Variants in PITPNM2 observed in about 807,000 individuals in gnomAD.
PITPNM2 encodes phosphatidylinositol transfer protein membrane associated 2.
Under a neutral mutation model 132.2 loss-of-function variants are expected in PITPNM2, and 35 were observed. The ratio of observed to expected loss-of-function variants is 0.26; its 90% CI spans 0.20 to 0.35. The LOEUF is 0.35. Among genes scored for constraint, PITPNM2 ranks in the 10% least tolerant of loss-of-function variants. The pLI, the probability that PITPNM2 is intolerant of heterozygous loss-of-function variation, is 1.00. For synonymous variants in PITPNM2, 738 were observed against 799.2 expected (o/e 0.92, Z 1.29); for missense variants, 1,332 against 1,912.0 (o/e 0.70, Z 5.66).
At chr12:123,143,893 T>C (rs1464084137) in intron 1 of PITPNM2, among the ~76,000 whole-genome samples, 1 of 152,196 alleles carries the variant, frequency 6.6e-6, no homozygotes. Flanking sequence ...TCTTCATCCA[T>C]TAAGTACCAT....
In PITPNM2 at chr12:123,051,069, G is replaced by T. The variant is rs116925843; in HGVS notation, c.-95-16384C>A. 3.6e-3 allele frequency among the ~76,000 whole-genome samples: 545 copies of T among 152,330 alleles called. 13 individuals carry two copies. The highest frequency in any genetic ancestry group is 0.031 in the Admixed American group (469 of 15,300). On this transcript the variant is annotated intron_variant, in intron 2 of 25. Coordinates refer to ENST00000320201, the MANE Select transcript of PITPNM2 (RefSeq NM_020845.3). ...CCTTGAGTTAGGAAGTGCAGGGAAAGGACCTTGCATGATTTTGCGCAATGT... is the reference window on the plus strand; with the variant it reads ...CCTTGAGTTAGGAAGTGCAGGGAAATGACCTTGCATGATTTTGCGCAATGT...
At chr12:123,010,959 C>G (rs1236576403) in intron 5 of PITPNM2, among the ~76,000 whole-genome samples, 1 of 152,204 alleles carries the variant, frequency 6.6e-6, no homozygotes, top group Non-Finnish European at 1.5e-5. Flanking sequence ...GGCTTAGGGG[C>G]TGACAGGACC....
At chr12:123,149,009 T>C (rs2043674856) in intron 1 of PITPNM2, among the ~76,000 whole-genome samples, 1 of 151,796 alleles carries the variant, frequency 6.6e-6, no homozygotes, top group African/African-American at 2.4e-5. Context: ...AATGAAATGG[T>C]AGGAGAGGAG....
At position 123,064,166 on chromosome 12, in the gene PITPNM2, C is replaced by T. The variant is rs1179560636; in HGVS notation, c.-95-29481G>A. 6.6e-6 allele frequency among the ~76,000 whole-genome samples: 1 copy of T among 152,174 alleles called. No individual in the cohort carries two copies. The highest frequency in any genetic ancestry group is 1.9e-4 in the East Asian group (1 of 5,196). On this transcript the variant is annotated intron_variant, in intron 2 of 25. Coordinates refer to ENST00000320201, the MANE Select transcript of PITPNM2 (RefSeq NM_020845.3). This position sits in a 1 kb window ranked among gnomAD's most constrained non-coding sequence, Gnocchi z 4.0. The stretch of plus-strand genomic sequence containing the variant: ...TTGCCAGCCTTCCCAGGGTTGGGGC[C>T]GTTGCTCACTGTTTCGACCCTCCCA...
chr12:123,107,764 G>A (rs1243708930), intron 2 of PITPNM2, among the ~76,000 whole-genome samples: 1 of 152,176 alleles, frequency 6.6e-6, no homozygotes, highest in East Asian at 1.9e-4. Context: ...GGAGGGTTTT[G>A]GGAAAAGCAG....
chr12:123,056,286 C>G (rs1356336343), intron 2 of PITPNM2, among the ~76,000 whole-genome samples: 1 of 152,230 alleles, frequency 6.6e-6, no homozygotes, highest in Non-Finnish European at 1.5e-5. Context: ...AGAGCTATCA[C>G]CTGAGCGCTC....
In PITPNM2 at chr12:123,100,551, G is replaced by A. The variant is rs190941980; in HGVS notation, c.-96+9834C>T. Among the ~76,000 whole-genome samples, 4 of 152,180 alleles carry A rather than the reference G, an allele frequency of 2.6e-5. No individual in the cohort carries two copies. In the East Asian group the frequency reaches 7.7e-4, roughly 29 times the overall value. On this transcript the variant is annotated intron_variant, in intron 2 of 25. Coordinates refer to ENST00000320201, the MANE Select transcript of PITPNM2 (RefSeq NM_020845.3). ...TAAGGCAGCAGAATCACTTGAGCCT[G>A]GTAGGCGGAAGTTGTAGTGAGCTGA...
intron 2 of PITPNM2, among the ~76,000 whole-genome samples, chr12:123,079,044 C>T (rs1319741171): frequency 6.6e-6 from 1 of 152,236 alleles, no homozygotes. Context: ...AACTGGCACT[C>T]CCAGGCACTC....
chr12:122,986,298 C>T lies in PITPNM2; in HGVS notation c.3779G>A (p.Arg1260Gln), dbSNP rs150792674. Residue 1260 changes from arginine to glutamine, a missense_variant, in exon 26 of 26, where the codon CGG becomes CAG. Physicochemically the swap from Arg to Gln is conservative, Grantham distance 43 (BLOSUM62 1). Coordinates refer to ENST00000320201, the MANE Select transcript of PITPNM2 (RefSeq NM_020845.3). Reference protein sequence around the residue: ...AHLAQLKYSHRARPARNTATR... With the variant: ...AHLAQLKYSHQARPARNTATR... ...GGCCGTGTTGCGAGCGGGCCGCGCC[C>T]GGTGGCTGTACTTCAGCTGCGCCAG... 4.7e-5 allele frequency: 74 copies of T among 1,582,394 alleles called. No homozygotes were observed. Among genetic ancestry groups the T allele is most frequent in the African/African-American group, 2.2e-4 (16 of 74,300 alleles).
chr12:123,077,056 T>C lies in PITPNM2; in HGVS notation c.-96+33329A>G, dbSNP rs1375378042. Among the ~76,000 whole-genome samples the C allele has an allele frequency of 6.6e-6, 1 of 152,216 alleles. No individual in the cohort carries two copies. Among genetic ancestry groups the C allele is most frequent in the Non-Finnish European group, 1.5e-5 (1 of 68,040 alleles). ...TGGGAAAGCCACTTAAGAGTCATTC[T>C]GAATGCATCTACTGGGGATGGGGAA... On this transcript the variant is annotated intron_variant, in intron 2 of 25. Transcript: ENST00000320201. The surrounding 1 kb of genome is among the most constrained non-coding windows in gnomAD (Gnocchi z 4.8).
At position 122,995,374 on chromosome 12, in the gene PITPNM2, C is replaced by G. The variant is rs1379787910; in HGVS notation, c.2054+15G>C. ...CACACCCAGAGGCAAGCCCCAGCCC[C>G]CCAGCCCTGCCCACCTGGACAGGAA... is the stretch of plus-strand genomic sequence containing the variant. On this transcript the variant is annotated intron_variant, in intron 14 of 25. Transcript: ENST00000320201. The G allele has an allele frequency of 1.3e-6, 2 of 1,574,778 alleles. No individual in the cohort carries two copies. The highest frequency in any genetic ancestry group is 1.7e-4 in the Middle Eastern group (1 of 5,764).
rs764957817 is a variant in PITPNM2, at chr12:123,099,614, G to T, written c.-96+10771C>A. Among the ~76,000 whole-genome samples, 1 of 152,156 alleles carries T rather than the reference G, an allele frequency of 6.6e-6. No individual in the cohort carries two copies. Among genetic ancestry groups the T allele is most frequent in the African/African-American group, 2.4e-5 (1 of 41,410 alleles). ...AAACTAGGCATGTAGCTAAGGGCTG[G>T]GTTAACCTTCTCTGTGCTACTGTTT... On this transcript the variant is annotated intron_variant, in intron 2 of 25. Transcript: ENST00000320201. The surrounding 1 kb of genome is among the most constrained non-coding windows in gnomAD (Gnocchi z 4.2).
rs753199072 is a variant in PITPNM2 at position 122,997,592 on chromosome 12, G to A, written c.1225-20C>T. The stretch of plus-strand genomic sequence containing the variant: ...CTCGTCCTGCATGGGTTGGGGGACA[G>A]TGTCAGCTCCCCAGGGAACCCAGCT... On this transcript the variant is annotated intron_variant, in intron 10 of 25. Coordinates refer to ENST00000320201, the MANE Select transcript of PITPNM2 (RefSeq NM_020845.3). 2 of 1,599,666 alleles carry A rather than the reference G, an allele frequency of 1.3e-6. No homozygotes were observed. The highest frequency in any genetic ancestry group is 2.2e-5 in the East Asian group (1 of 44,494).
intron 2 of PITPNM2, among the ~76,000 whole-genome samples, chr12:123,050,321 C>G (rs2040817578): frequency 6.6e-6 from 1 of 152,174 alleles, no homozygotes. Context: ...AGTTTATAAA[C>G]ACTCTGCCAC....
In PITPNM2 at chr12:123,034,504, A is replaced by G. The variant is rs1248131715; in HGVS notation, c.78+9T>C. 1.2e-5 allele frequency: 20 copies of G among 1,612,862 alleles called. No individual in the cohort carries two copies. The highest frequency in any genetic ancestry group is 1.7e-5 in the Non-Finnish European group (20 of 1,179,346). On this transcript the variant is annotated intron_variant, in intron 3 of 25. Transcript: ENST00000320201. ...TCACCCCATGACCCACCCTTGCCCC[A>G]CGACCCACCTGTATCATGTACAGCT...
chr12:122,988,954 G>T, intron 18 of PITPNM2, 82 bp from the exon 19 acceptor site: 4 of 1,408,164 alleles, frequency 2.8e-6, no homozygotes, highest in Non-Finnish European at 3.8e-6. Flanking sequence ...CCTCTGGCCT[G>T]CTCAGCCCAG....
At position 122,999,755 on chromosome 12, in the gene PITPNM2, G is replaced by A. The variant is rs569046988; in HGVS notation, c.1224+1023C>T. Among the ~76,000 whole-genome samples the A allele has an allele frequency of 7.2e-5, 11 of 152,276 alleles. No homozygotes were observed. The East Asian group carries it at 2.1e-3, about 29-fold the overall frequency. ...ATCCCCCTACTAGTGTCTCCACAAG[G>A]CAAGGAGCAGGGGCTCCGGTTTGGG... On this transcript the variant is annotated intron_variant, in intron 10 of 25. Coordinates refer to ENST00000320201, the MANE Select transcript of PITPNM2 (RefSeq NM_020845.3).
At chr12:123,118,424 G>A (rs900650342) in intron 1 of PITPNM2, among the ~76,000 whole-genome samples, 5 of 152,144 alleles carry the variant, frequency 3.3e-5, no homozygotes, top group African/African-American at 1.2e-4. Context: ...CAAACAGGAG[G>A]GAGAAAATCT....
chr12:123,133,057 G>A (rs1168840039), intron 1 of PITPNM2, among the ~76,000 whole-genome samples: 1 of 152,160 alleles, frequency 6.6e-6, no homozygotes, highest in Non-Finnish European at 1.5e-5. Context: ...AAGTCTCTTG[G>A]GTATAGACCT....
Sources: allele counts gnomAD v4.1 joint callset (sites outside exome capture counted in the v4.1 genomes callset), GRCh38; gene constraint gnomAD v4.1.1; non-coding constraint Gnocchi (gnomAD v3.1); transcripts MANE v1.5; gene names NCBI Gene and HGNC (gene_info 2026-07-23, HGNC 2026-07-21).